ENOX1: variants seen among roughly 807,000 people sequenced by gnomAD.
The protein encoded by ENOX1 is ecto-NOX disulfide-thiol exchanger 1.
Under a neutral mutation model 82.5 loss-of-function variants are expected in ENOX1, and 42 were observed. The ratio of observed to expected loss-of-function variants is 0.51; its 90% confidence interval spans 0.40 to 0.66. The LOEUF (loss-of-function observed/expected upper bound fraction) is 0.66, where lower values mean the gene tolerates loss of function less well. Among genes scored for constraint, ENOX1 ranks in the 30% least tolerant of loss-of-function variants. ENOX1 has a pLI of 0.00. For missense variants in ENOX1, 608 were observed against 811.6 expected (o/e 0.75, Z 3.05); for synonymous variants, 271 against 282.2 (o/e 0.96, Z 0.40).
At chr13:43,702,465 T>C (rs1401373585) in intron 1 of ENOX1, among the ~76,000 whole-genome samples, 3 of 152,216 alleles carry the variant, frequency 2.0e-5, no homozygotes, top group African/African-American at 7.2e-5. Flanking sequence ...GATGGAAAAC[T>C]ACTGGCAGGC....
At chr13:43,563,692 C>T (rs1374097023) in intron 2 of ENOX1, among the ~76,000 whole-genome samples, 1 of 151,856 alleles carries the variant, frequency 6.6e-6, no homozygotes, top group Non-Finnish European at 1.5e-5. Context: ...AAAAAGGAGG[C>T]AAAGGACTGT....
intron 2 of ENOX1, among the ~76,000 whole-genome samples, chr13:43,507,924 CT>C (rs1370032226): frequency 1.3e-5 from 2 of 151,888 alleles, no homozygotes; most frequent in Non-Finnish European, 2.9e-5. Flanking sequence ...ATATTCATAC[CT>C]ATATATTGAT....
In ENOX1 at chr13:43,445,342, C is replaced by G. The variant is rs1385060567; in HGVS notation, c.-74-32354G>C. Among the ~76,000 whole-genome samples, 5 of 152,190 alleles carry G rather than the reference C, an allele frequency of 3.3e-5. No individual in the cohort carries two copies. The South Asian group carries it at 6.2e-4, about 19-fold the overall frequency. On this transcript the variant is annotated intron_variant, in intron 3 of 16. Coordinates refer to ENST00000690772, the MANE Select transcript of ENOX1 (RefSeq NM_001347969.2). ...GTTTCACCGTGTTAGCCAGGATGGT[C>G]TTGATCTCCTGACCTCGTGATCTGC...
chr13:43,364,275 A>G (rs1566610121), intron 5 of ENOX1, among the ~76,000 whole-genome samples: 1 of 152,216 alleles, frequency 6.6e-6, no homozygotes, highest in Non-Finnish European at 1.5e-5. Context: ...TGTTAGGAAA[A>G]GCTGCCCCTG....
At chr13:43,262,518 G>A (rs2044132121) in intron 14 of ENOX1, among the ~76,000 whole-genome samples, 1 of 152,176 alleles carries the variant, frequency 6.6e-6, no homozygotes, top group South Asian at 2.1e-4. Flanking sequence ...AGTCCTGTCT[G>A]CTATATTAAA....
At chr13:43,712,459 C>A (rs1372501912) in intron 1 of ENOX1, among the ~76,000 whole-genome samples, 1 of 152,040 alleles carries the variant, frequency 6.6e-6, no homozygotes, top group African/African-American at 2.4e-5. Context: ...TGAAGAAAGT[C>A]ATTGGTAGCT....
chr13:43,416,370 C>T (rs2054555260), intron 3 of ENOX1, among the ~76,000 whole-genome samples: 1 of 148,018 alleles, frequency 6.8e-6, no homozygotes, highest in East Asian at 2.0e-4. Context: ...GACAGAAGCG[C>T]TCCTCACATC....
chr13:43,341,061 G>A (rs980607282), intron 9 of ENOX1, among the ~76,000 whole-genome samples: 3 of 152,162 alleles, frequency 2.0e-5, no homozygotes, highest in Non-Finnish European at 4.4e-5. Context: ...ACTTTGGGAG[G>A]CCGAGGCGGG....
chr13:43,293,182 C>G (rs2046099918), intron 12 of ENOX1, among the ~76,000 whole-genome samples: 1 of 152,082 alleles, frequency 6.6e-6, no homozygotes, highest in Non-Finnish European at 1.5e-5. Context: ...TACCACCCCC[C>G]TCACAGATGC....
At chr13:43,290,223 C>T (rs1011957073) in intron 12 of ENOX1, among the ~76,000 whole-genome samples, 3 of 152,100 alleles carry the variant, frequency 2.0e-5, no homozygotes, top group Non-Finnish European at 2.9e-5. Context: ...GCCATTACTG[C>T]GTGTATACGT....
intron 14 of ENOX1, among the ~76,000 whole-genome samples, chr13:43,263,587 T>A (rs1182416261): frequency 2.0e-5 from 3 of 152,236 alleles, no homozygotes; most frequent in Non-Finnish European, 4.4e-5. Flanking sequence ...TGTCTATACA[T>A]GTATCATCTA....
intron 3 of ENOX1, among the ~76,000 whole-genome samples, chr13:43,447,744 A>G (rs1268308371): frequency 2.0e-5 from 3 of 152,212 alleles, no homozygotes; most frequent in Non-Finnish European, 4.4e-5. Flanking sequence ...GGATTGGTGT[A>G]AGGCTAGTAG....
chr13:43,505,252 T>C (rs1227368359), intron 2 of ENOX1, among the ~76,000 whole-genome samples: 1 of 151,316 alleles, frequency 6.6e-6, no homozygotes, highest in African/African-American at 2.4e-5. Context: ...AAAATTGGAG[T>C]GAATGAGGAA....
At chr13:43,638,942 T>C (rs867058954) in intron 2 of ENOX1, among the ~76,000 whole-genome samples, 1 of 152,234 alleles carries the variant, frequency 6.6e-6, no homozygotes, top group Non-Finnish European at 1.5e-5. Context: ...TCTAGGAATA[T>C]TAATACAATT....
chr13:43,317,815 C>T (rs2153523059), intron 11 of ENOX1, among the ~76,000 whole-genome samples: 1 of 151,836 alleles, frequency 6.6e-6, no homozygotes, highest in East Asian at 1.9e-4. Context: ...ACCATCCTGG[C>T]TAACACGGTG....
chr13:43,284,004 T>A (rs1474480255), intron 12 of ENOX1, among the ~76,000 whole-genome samples: 1 of 152,162 alleles, frequency 6.6e-6, no homozygotes, highest in African/African-American at 2.4e-5. Context: ...TGGCACTGAT[T>A]TCTAACAATT....
intron 5 of ENOX1, among the ~76,000 whole-genome samples, chr13:43,375,638 C>A (rs1414240657): frequency 6.6e-6 from 1 of 152,130 alleles, no homozygotes; most frequent in Non-Finnish European, 1.5e-5. Context: ...AAAGCCTGAC[C>A]ATACTCTGAA....
chr13:43,664,642 C>T (rs1455917599), intron 2 of ENOX1, among the ~76,000 whole-genome samples: 1 of 152,124 alleles, frequency 6.6e-6, no homozygotes, highest in Non-Finnish European at 1.5e-5. Flanking sequence ...TGCCCACAAG[C>T]CACACTAGGA....
At chr13:43,222,061 G>A (rs2041818289) in intron 16 of ENOX1, among the ~76,000 whole-genome samples, 1 of 152,142 alleles carries the variant, frequency 6.6e-6, no homozygotes, top group Admixed American at 6.6e-5. Context: ...AGAGCTATCT[G>A]GGAGTAGGCA....
Sources: allele counts gnomAD v4.1 joint callset (sites outside exome capture counted in the v4.1 genomes callset), GRCh38; gene constraint gnomAD v4.1.1; transcripts MANE v1.5; gene names NCBI Gene and HGNC (gene_info 2026-07-23, HGNC 2026-07-21).